The following KAZN variants were observed in gnomAD, a reference collection of about 807,000 sequenced individuals.
KAZN encodes the protein kazrin, periplakin interacting protein.
In KAZN, 40 loss-of-function variants were observed where a neutral mutation model predicts 87.4. The ratio of observed to expected loss-of-function variants is 0.46; its 90% CI spans 0.36 to 0.60. The LOEUF (loss-of-function observed/expected upper bound fraction) is 0.60. KAZN is among the 20% of genes least tolerant of loss of function. KAZN has a pLI of 0.00. For synonymous variants in KAZN, 466 were observed against 458.3 expected (o/e 1.02, Z -0.22); for missense variants, 898 against 1,073.9 (o/e 0.84, Z 2.29).
intron 1 of KAZN, among the ~76,000 whole-genome samples, chr1:14,894,760 G>T (rs1655083208): frequency 6.6e-6 from 1 of 152,270 alleles, no homozygotes; most frequent in Non-Finnish European, 1.5e-5. Flanking sequence ...ATGAATGAAT[G>T]AATGAATCTC....
chr1:15,008,844 T>G (rs1428802872), intron 2 of KAZN, among the ~76,000 whole-genome samples: 1 of 152,222 alleles, frequency 6.6e-6, no homozygotes, highest in Non-Finnish European at 1.5e-5. Flanking sequence ...CCCATTCCCC[T>G]GCCAGCCACA....
intron 2 of KAZN, among the ~76,000 whole-genome samples, chr1:14,398,753 G>T (rs1663118232): frequency 6.6e-6 from 1 of 152,152 alleles, no homozygotes; most frequent in Non-Finnish European, 1.5e-5. Flanking sequence ...CTCCTACACG[G>T]AACTGATGGG....
chr1:14,930,082 G>A, intron 1 of KAZN: 1 of 985,538 alleles, frequency 1.0e-6, no homozygotes, highest in Non-Finnish European at 1.2e-6. Context: ...CCCTGAACTG[G>A]CTGACACTGA....
chr1:14,146,629 T>G (rs746312936), intron 1 of KAZN, among the ~76,000 whole-genome samples: 7 of 151,668 alleles, frequency 4.6e-5, no homozygotes, highest in Non-Finnish European at 8.8e-5. Context: ...AAAAAGACCT[T>G]TATTTTATCC....
chr1:14,623,544 A>G (rs1280577587), intron 1 of KAZN, among the ~76,000 whole-genome samples: 2 of 152,200 alleles, frequency 1.3e-5, no homozygotes, highest in Non-Finnish European at 2.9e-5. Flanking sequence ...GATTGATGAA[A>G]TACTCTAGAT....
At chr1:14,086,010 A>G (rs1643842117) in intron 1 of KAZN, among the ~76,000 whole-genome samples, 1 of 152,068 alleles carries the variant, frequency 6.6e-6, no homozygotes, top group Non-Finnish European at 1.5e-5. Flanking sequence ...TCAGCATCTT[A>G]TTGGCCCTCA....
intron 1 of KAZN, among the ~76,000 whole-genome samples, chr1:13,988,843 A>C (rs1352125991): frequency 6.6e-6 from 1 of 152,218 alleles, no homozygotes; most frequent in African/African-American, 2.4e-5. Context: ...TACCCTAAAA[A>C]ATACACTTGT....
intron 2 of KAZN, among the ~76,000 whole-genome samples, chr1:14,529,149 C>A (rs1162891341): frequency 6.6e-6 from 1 of 152,024 alleles, no homozygotes; most frequent in Non-Finnish European, 1.5e-5. Context: ...ACTAAAAATA[C>A]AAAAATTAGC....
At chr1:14,907,233 C>CAA (rs201960635) in intron 1 of KAZN, among the ~76,000 whole-genome samples, 2 of 148,902 alleles carry the variant, frequency 1.3e-5, no homozygotes, top group Admixed American at 6.7e-5. Context: ...CCATCTCTAC[C>CAA]AAAAAAAATA....
intron 2 of KAZN, among the ~76,000 whole-genome samples, chr1:14,256,432 A>G (rs1650519852): frequency 6.6e-6 from 1 of 152,128 alleles, no homozygotes; most frequent in African/African-American, 2.4e-5. Flanking sequence ...GGAAAGAAGG[A>G]AGGGAGAAAG....
Position 14,856,404 on chromosome 1 carries a change from A to G in KAZN, c.227-104280A>G, listed in dbSNP as rs1277653155. 1.3e-5 allele frequency among the ~76,000 whole-genome samples: 2 copies of G among 152,218 alleles called. No homozygotes were observed. Among genetic ancestry groups the G allele is most frequent in the African/African-American group, 4.8e-5 (2 of 41,468 alleles). ...CAATGCTAAGGAATTTTGAAGAAGGAGGCAATATTTCCATAGGTGGCATAG... is the reference window on the plus strand; with the variant it reads ...CAATGCTAAGGAATTTTGAAGAAGGGGGCAATATTTCCATAGGTGGCATAG... On this transcript the variant is annotated intron_variant, in intron 1 of 14. Coordinates refer to ENST00000376030, the MANE Select transcript of KAZN (RefSeq NM_201628.3). This position sits in a 1 kb window ranked among gnomAD's most constrained non-coding sequence, Gnocchi z 5.2.
chr1:14,430,561 T>A (rs1198276653), intron 2 of KAZN, among the ~76,000 whole-genome samples: 1 of 152,166 alleles, frequency 6.6e-6, no homozygotes, highest in Non-Finnish European at 1.5e-5. Flanking sequence ...TCTTTTGGAA[T>A]CTCTCAGTGT....
At chr1:14,563,620 A>T (rs1476899921) in intron 2 of KAZN, among the ~76,000 whole-genome samples, 3 of 151,604 alleles carry the variant, frequency 2.0e-5, no homozygotes, top group East Asian at 3.9e-4. Flanking sequence ...ACTCCCAGTC[A>T]CTCATCCCCA....
At chr1:15,070,260 T>C (rs1383884762) in intron 8 of KAZN, among the ~76,000 whole-genome samples, 5 of 152,240 alleles carry the variant, frequency 3.3e-5, no homozygotes, top group African/African-American at 1.2e-4. Flanking sequence ...AGCTTTGCAC[T>C]GCCTCACTTT....
At chr1:14,771,829 T>C (rs1372902646) in intron 1 of KAZN, among the ~76,000 whole-genome samples, 1 of 151,680 alleles carries the variant, frequency 6.6e-6, no homozygotes, top group Non-Finnish European at 1.5e-5. Flanking sequence ...GTCTCAAAAA[T>C]AAATAAATAA....
At chr1:14,279,742 G>A (rs1426512557) in intron 2 of KAZN, among the ~76,000 whole-genome samples, 3 of 152,138 alleles carry the variant, frequency 2.0e-5, no homozygotes, top group Non-Finnish European at 4.4e-5. Context: ...TGCAAGGCAG[G>A]GTCCTGGACA....
chr1:14,492,791 A>G lies in KAZN; in HGVS notation c.250-106192A>G, dbSNP rs532406844. Among the ~76,000 whole-genome samples the G allele has an allele frequency of 3.2e-4, 18 of 55,682 alleles. No individual in the cohort carries two copies. In the South Asian group the frequency reaches 9.3e-3, roughly 29 times the overall value. 36.5% of individuals were successfully genotyped at this position (55,682 alleles called of 152,430 possible). A position where few individuals can be genotyped will look rare whatever the true frequency, so the allele number is the denominator to read the frequency against. ...CACACACCACACGTGCACACACATC[A>G]CACATATGCACTCACATCACACATA... On this transcript the variant is annotated intron_variant, in intron 2 of 16. Transcript: ENST00000636203.
intron 8 of KAZN, among the ~76,000 whole-genome samples, chr1:15,078,564 G>T (rs1344910098): frequency 6.6e-6 from 1 of 152,184 alleles, no homozygotes; most frequent in Non-Finnish European, 1.5e-5. Context: ...GGGCTGGAGG[G>T]AGGCAGACAA....
chr1:14,732,048 G>C (rs769193901), intron 1 of KAZN, among the ~76,000 whole-genome samples: 8 of 152,234 alleles, frequency 5.3e-5, no homozygotes, highest in Non-Finnish European at 1.2e-4. Flanking sequence ...GTGCAGTGCT[G>C]TGGGATAGTC....
Sources: allele counts gnomAD v4.1 joint callset (sites outside exome capture counted in the v4.1 genomes callset), GRCh38; gene constraint gnomAD v4.1.1; non-coding constraint Gnocchi (gnomAD v3.1); transcripts MANE v1.5; gene names NCBI Gene and HGNC (gene_info 2026-07-23, HGNC 2026-07-21).